ENPP2: variants seen among roughly 807,000 people sequenced by gnomAD.
ENPP2 encodes autotaxin.
ENPP2 carries 51 observed loss-of-function variants against 120.2 expected under a neutral mutation model. That is an observed-to-expected ratio of 0.42 (90% CI 0.34 to 0.54). The LOEUF is 0.54. Ranked by LOEUF, ENPP2 falls within the 20% of genes least tolerant of loss-of-function variation. The pLI, the probability that ENPP2 is intolerant of heterozygous loss-of-function variation, is 0.04. For missense variants in ENPP2, 920 were observed against 1,066.5 expected (o/e 0.86, Z 1.91); for synonymous variants, 365 against 366.4 (o/e 1.00, Z 0.04).
chr8:119,575,257 A>C (rs1417533875), intron 19 of ENPP2, among the ~76,000 whole-genome samples: 1 of 152,032 alleles, frequency 6.6e-6, no homozygotes, highest in East Asian at 1.9e-4. Flanking sequence ...ATCCCAGGCC[A>C]TTACTCTTCT....
At chr8:119,590,726 G>T in intron 12 of ENPP2, 96 bp from the exon 13 acceptor site, 2 of 854,768 alleles carry the variant, frequency 2.3e-6, no homozygotes, top group Middle Eastern at 2.5e-4. Flanking sequence ...TCTTTAGTTA[G>T]TTTTTAGTAA....
intron 1 of ENPP2, among the ~76,000 whole-genome samples, chr8:119,668,393 T>C (rs1473916298): frequency 1.3e-5 from 2 of 151,534 alleles, no homozygotes; most frequent in South Asian, 2.1e-4. Flanking sequence ...TCATGTTCTA[T>C]ACTTTTTTTT....
At position 119,557,545 on chromosome 8, in the gene ENPP2, C is replaced by T; in HGVS notation, c.2568G>A (p.Leu856=). Residue 856 remains leucine, a synonymous_variant, in exon 25 of 25, where the codon CTG becomes CTA. Transcript: ENST00000075322. ...GTTAAATCTCGCTCTCATATGTATGCAGGTATGTCTTGAGTGTCAGGATTT... is the reference window on the plus strand; with the variant it reads ...GTTAAATCTCGCTCTCATATGTATGTAGGTATGTCTTGAGTGTCAGGATTT... ...YPEILTLKTY[L]HTYESEI 1 of 1,613,224 alleles carries T rather than the reference C, an allele frequency of 6.2e-7. No individual in the cohort carries two copies.
Position 119,626,734 on chromosome 8 carries a change from G to A in ENPP2, c.137-14C>T, listed in dbSNP as rs767484950. ...AGTCTGATAGCACTGCAAAGAACAA[G>A]AGGCAAAAACAATGGACTGGAGAGT... On this transcript the variant is annotated splice_polypyrimidine_tract_variant and intron_variant, in intron 2 of 24. Coordinates refer to ENST00000075322, the MANE Select transcript of ENPP2 (RefSeq NM_001040092.3). 6.2e-7 allele frequency: 1 copy of A among 1,613,450 alleles called. No individual in the cohort carries two copies. The highest frequency in any genetic ancestry group is 1.1e-5 in the South Asian group (1 of 91,048).
intron 18 of ENPP2, 140 bp from the exon 19 acceptor site, chr8:119,580,307 G>A (rs750101943): frequency 1.4e-5 from 10 of 710,150 alleles, no homozygotes; most frequent in Non-Finnish European, 2.3e-5. Flanking sequence ...ATTCTTTCGA[G>A]GAATTAACTG....
chr8:119,621,844 T>C (rs1216872394), intron 3 of ENPP2, among the ~76,000 whole-genome samples: 3 of 152,228 alleles, frequency 2.0e-5, no homozygotes, highest in Admixed American at 2.0e-4. Context: ...AGGTTTATGA[T>C]AGGGCTATCT....
At chr8:119,560,392 G>C (rs1587310101) in intron 24 of ENPP2, among the ~76,000 whole-genome samples, 1 of 152,268 alleles carries the variant, frequency 6.6e-6, no homozygotes. Context: ...GGCCAAGCCA[G>C]TAAGTTGATA....
intron 18 of ENPP2, 79 bp from the exon 19 acceptor site, chr8:119,580,246 T>G: frequency 9.3e-7 from 1 of 1,075,298 alleles, no homozygotes; most frequent in Non-Finnish European, 1.4e-6. Flanking sequence ...TCTGTCGACT[T>G]AGCACCCTGC....
intron 1 of ENPP2, among the ~76,000 whole-genome samples, chr8:119,657,207 G>A (rs1433679331): frequency 6.6e-6 from 1 of 152,178 alleles, no homozygotes; most frequent in Non-Finnish European, 1.5e-5. Context: ...TCACAGGCAT[G>A]AGCCACCGCT....
intron 17 of ENPP2, 139 bp downstream of exon 17, chr8:119,583,578 T>C (rs1035324476): frequency 2.0e-5 from 12 of 585,534 alleles, no homozygotes; most frequent in Non-Finnish European, 3.4e-5. Flanking sequence ...TTTGAACCAA[T>C]GGGCAAGTTA....
chr8:119,644,621 TATATAC>T lies in ENPP2; in HGVS notation c.22-6100_22-6095del, dbSNP rs1442495992. Among the ~76,000 whole-genome samples, 855 of 104,444 alleles carry T rather than the reference TATATAC, an allele frequency of 8.2e-3. 11 individuals are homozygous for T. The highest frequency in any genetic ancestry group is 0.018 in the South Asian group (52 of 2,874). The allele number at this position is 104,444 out of a possible 152,430, so 68.5% of individuals were successfully genotyped here. On this transcript the variant is annotated intron_variant, in intron 1 of 25. Coordinates refer to the ENPP2 transcript ENST00000427067. ...ATATATATATATATATATATATATATATATACACACACACACACACACACACATATA... is the reference window on the plus strand; with the variant it reads ...ATATATATATATATATATATATATATACACACACACACACACACACATATA...
intron 8 of ENPP2, among the ~76,000 whole-genome samples, chr8:119,608,259 G>A (rs999595963): frequency 4.6e-5 from 7 of 152,110 alleles, no homozygotes; most frequent in Admixed American, 1.3e-4. Context: ...TCTCTCTTCT[G>A]TACCTGTCTT....
intron 9 of ENPP2, among the ~76,000 whole-genome samples, chr8:119,605,071 C>A (rs1434416770): frequency 6.6e-6 from 1 of 151,990 alleles, no homozygotes; most frequent in Non-Finnish European, 1.5e-5. Flanking sequence ...CTGCACCCGG[C>A]CTATTTTATT....
rs116874883 is a variant in ENPP2, at chr8:119,574,555, C to T, written c.1781-3714G>A. On this transcript the variant is annotated intron_variant, in intron 19 of 24. Transcript: ENST00000075322. ...CACACTTGGCAAAATACTGTGAGGCCAATCTTTTTAAGTGGTGTGGACTTC... is the reference window on the plus strand; with the variant it reads ...CACACTTGGCAAAATACTGTGAGGCTAATCTTTTTAAGTGGTGTGGACTTC... Among the ~76,000 whole-genome samples, 1,097 of 151,992 alleles carry T rather than the reference C, an allele frequency of 7.2e-3. 11 individuals are homozygous for T. The highest frequency in any genetic ancestry group is 0.014 in the Middle Eastern group (4 of 294).
chr8:119,668,040 A>G (rs887702567), intron 1 of ENPP2, among the ~76,000 whole-genome samples: 3 of 152,074 alleles, frequency 2.0e-5, no homozygotes, highest in Admixed American at 6.6e-5. Context: ...TTTAGACATC[A>G]CTTCCTAAAG....
intron 1 of ENPP2, among the ~76,000 whole-genome samples, chr8:119,662,531 C>T (rs1257053825): frequency 6.6e-6 from 1 of 152,104 alleles, no homozygotes; most frequent in Non-Finnish European, 1.5e-5. Context: ...TTCAAACAAG[C>T]CCTCCGGGTG....
intron 11 of ENPP2, among the ~76,000 whole-genome samples, 178 bp downstream of exon 11, chr8:119,600,500 C>T (rs1373001287): frequency 6.6e-6 from 1 of 152,194 alleles, no homozygotes; most frequent in African/African-American, 2.4e-5. Flanking sequence ...GCTCCTGTAA[C>T]AGAAACAGGT....
chr8:119,638,872 T>C (rs1587555306), upstream of ENPP2: 3 of 1,535,404 alleles, frequency 2.0e-6, no homozygotes, highest in African/African-American at 2.7e-5. Context: ...CTATTAACTA[T>C]AAGCAATCCC....
rs1427662975 is a variant in ENPP2 at position 119,557,241 on chromosome 8, T to G, written c.*280A>C. The G allele has an allele frequency of 2.9e-6, 1 of 341,986 alleles. No homozygotes were observed. The allele number at this position is 341,986 out of a possible 1,614,324, so 21.2% of individuals were successfully genotyped here. A position where few individuals can be genotyped will look rare whatever the true frequency, so the allele number is the denominator to read the frequency against. On this transcript the variant is annotated 3_prime_UTR_variant, in exon 25 of 25. Coordinates refer to ENST00000075322, the MANE Select transcript of ENPP2 (RefSeq NM_001040092.3). ...ATGTGGCAACTGTGCATTGGAAAAT[T>G]AATATTTCCTCAATGCAAATATCAA...
Sources: allele counts gnomAD v4.1 joint callset (sites outside exome capture counted in the v4.1 genomes callset), GRCh38; gene constraint gnomAD v4.1.1; transcripts MANE v1.5; gene names NCBI Gene and HGNC (gene_info 2026-07-23, HGNC 2026-07-21).